CSMD1: variants seen among roughly 807,000 people sequenced by gnomAD.
The protein encoded by CSMD1 is CUB and sushi domain-containing protein 1.
In CSMD1, 213 loss-of-function variants were observed where a neutral mutation model predicts 417.5. The observed-to-expected ratio is 0.51, with a 90% CI of 0.46 to 0.57. CSMD1 has a LOEUF of 0.57. Ranked by LOEUF, CSMD1 falls within the 20% of genes least tolerant of loss-of-function variation. The pLI is 0.00. For missense variants in CSMD1, 6,923 were observed against 4,529.7 expected (o/e 1.53, Z -15.17); for synonymous variants, 2,862 against 1,736.8 (o/e 1.65, Z -16.11).
chr8:3,849,284 G>C (rs558880364), intron 5 of CSMD1, among the ~76,000 whole-genome samples: 1 of 152,132 alleles, frequency 6.6e-6, no homozygotes, highest in Non-Finnish European at 1.5e-5. Context: ...AATGTGCACA[G>C]ACAAAGATAC....
intron 1 of CSMD1, among the ~76,000 whole-genome samples, chr8:4,745,503 C>G (rs1204461807): frequency 1.3e-5 from 2 of 152,116 alleles, no homozygotes; most frequent in East Asian, 1.9e-4. Context: ...CTTAGAGTAA[C>G]TTAACATTTT....
intron 1 of CSMD1, among the ~76,000 whole-genome samples, chr8:4,685,106 T>G (rs981888494): frequency 1.3e-5 from 2 of 152,212 alleles, no homozygotes; most frequent in Admixed American, 6.5e-5. Flanking sequence ...CTTCTATTAT[T>G]ATGAAGATTC....
chr8:3,881,747 C>A lies in CSMD1; in HGVS notation c.818+116156G>T, dbSNP rs538825269. On this transcript the variant is annotated intron_variant, in intron 5 of 69. Coordinates refer to ENST00000635120, the MANE Select transcript of CSMD1 (RefSeq NM_033225.6). ...ACACTACCAGTTATCAAAATTTACT[C>A]CAGAAATTAATTACTTAAGACTCTG... 1.3e-4 allele frequency among the ~76,000 whole-genome samples: 20 copies of A among 151,546 alleles called. No homozygotes were observed. The South Asian group carries it at 4.0e-3, about 30-fold the overall frequency.
intron 48 of CSMD1, among the ~76,000 whole-genome samples, chr8:3,087,727 G>A (rs1000994866): frequency 3.3e-5 from 5 of 152,202 alleles, no homozygotes; most frequent in Admixed American, 6.5e-5. Context: ...GTCATCCTGC[G>A]CTGTATGCAG....
At chr8:4,045,483 G>A (rs1020829143) in intron 3 of CSMD1, among the ~76,000 whole-genome samples, 2 of 152,216 alleles carry the variant, frequency 1.3e-5, no homozygotes, top group Admixed American at 1.3e-4. Context: ...TCAGAACACT[G>A]TCCCCAGTTG....
intron 3 of CSMD1, among the ~76,000 whole-genome samples, chr8:4,276,168 A>T (rs1273498425): frequency 6.6e-6 from 1 of 152,222 alleles, no homozygotes; most frequent in Non-Finnish European, 1.5e-5. Context: ...AGACACATGC[A>T]CACATATGCT....
At chr8:3,487,441 T>G (rs1480146624) in intron 11 of CSMD1, among the ~76,000 whole-genome samples, 1 of 152,160 alleles carries the variant, frequency 6.6e-6, no homozygotes, top group Non-Finnish European at 1.5e-5. Flanking sequence ...GACCTCGTGA[T>G]CTGCCCGCCT....
chr8:4,286,455 G>C (rs1004597950), intron 3 of CSMD1, among the ~76,000 whole-genome samples: 1 of 152,126 alleles, frequency 6.6e-6, no homozygotes, highest in Admixed American at 6.6e-5. Context: ...GTTGCAATAT[G>C]AATTACCCAT....
intron 23 of CSMD1, among the ~76,000 whole-genome samples, chr8:3,339,650 T>G (rs972651109): frequency 6.6e-6 from 1 of 152,232 alleles, no homozygotes; most frequent in Non-Finnish European, 1.5e-5. Context: ...CTTCTGTTAC[T>G]TCAGGTGAAA....
In CSMD1 at chr8:3,838,680, TA is replaced by T. The variant is rs1199132141; in HGVS notation, c.819-84639del. Among the ~76,000 whole-genome samples the T allele has an allele frequency of 1.5e-3, 131 of 88,168 alleles. 8 individuals are homozygous for T. The East Asian group carries it at 0.036, about 24-fold the overall frequency. 57.8% of individuals were successfully genotyped at this position (88,168 alleles called of 152,430 possible). ...TAATATATAATAAATTAATATTATA[TA>T]GTATAATATATAATAAATATTATAT... On this transcript the variant is annotated intron_variant, in intron 5 of 69. Transcript: ENST00000635120.
At chr8:3,588,804 G>A (rs1800713996) in intron 8 of CSMD1, among the ~76,000 whole-genome samples, 1 of 152,108 alleles carries the variant, frequency 6.6e-6, no homozygotes, top group South Asian at 2.1e-4. Context: ...CCTGCAGAAT[G>A]GGAGAAGATG....
intron 23 of CSMD1, 50 bp from the exon 24 acceptor site, chr8:3,308,553 G>A (rs528703997): frequency 6.1e-6 from 9 of 1,468,344 alleles, no homozygotes; most frequent in Admixed American, 3.8e-5. Flanking sequence ...GTGGACATCT[G>A]CCTTAAAACA....
intron 1 of CSMD1, among the ~76,000 whole-genome samples, chr8:4,783,814 C>G (rs1157478547): frequency 1.3e-5 from 2 of 152,174 alleles, no homozygotes; most frequent in East Asian, 1.9e-4. Context: ...AAGGCATCAA[C>G]CAGCCTAAGG....
intron 3 of CSMD1, among the ~76,000 whole-genome samples, chr8:4,083,953 G>A (rs535446954): frequency 6.6e-6 from 1 of 152,118 alleles, no homozygotes; most frequent in African/African-American, 2.4e-5. Flanking sequence ...ATCTGACAAA[G>A]GGCTAATATC....
At chr8:3,142,258 C>A (rs189199842) in intron 41 of CSMD1, among the ~76,000 whole-genome samples, 1 of 152,140 alleles carries the variant, frequency 6.6e-6, no homozygotes, top group Non-Finnish European at 1.5e-5. Flanking sequence ...GCAGAAAAGG[C>A]GAACCCACTG....
intron 3 of CSMD1, among the ~76,000 whole-genome samples, chr8:4,368,757 T>G (rs775924967): frequency 1.3e-5 from 2 of 152,144 alleles, no homozygotes; most frequent in East Asian, 1.9e-4. Context: ...TATACAGAGG[T>G]GCTCATAATA....
Position 3,387,629 on chromosome 8 carries a change from G to A in CSMD1, c.2647C>T (p.His883Tyr), listed in dbSNP as rs1261157453. The A allele has an allele frequency of 2.5e-6, 4 of 1,600,806 alleles. No homozygotes were observed. Among genetic ancestry groups the A allele is most frequent in the South Asian group, 1.1e-5 (1 of 88,362 alleles). ...ATGCCAAAGTCTCCACCGTGGCGATGGCCGTTCACAGGGATGCCCGGGTCC... is the reference window on the plus strand; with the variant it reads ...ATGCCAAAGTCTCCACCGTGGCGATAGCCGTTCACAGGGATGCCCGGGTCC... ...CLDPGIPVNGHRHGGDFGIRS... is the reference protein window; with the variant it reads ...CLDPGIPVNGYRHGGDFGIRS... The change falls in exon 18 of 70, where the codon CAT becomes TAT. Residue 883 changes from histidine (H) to tyrosine (Y), a missense_variant. By Grantham distance (83) the His-to-Tyr change is moderately conservative. Coordinates refer to ENST00000635120, the MANE Select transcript of CSMD1 (RefSeq NM_033225.6).
rs192438811 is a variant in CSMD1, at chr8:4,062,483, T to C, written c.416-30384A>G. The stretch of plus-strand genomic sequence containing the variant: ...ATGTCAGAATCAAATGCACTACAAA[T>C]AAATAAACAATAACCATTCTAAGTG... On this transcript the variant is annotated intron_variant, in intron 3 of 69. Transcript: ENST00000635120. Among the ~76,000 whole-genome samples, 120 of 152,192 alleles carry C rather than the reference T, an allele frequency of 7.9e-4. 2 individuals carry two copies. The highest frequency in any genetic ancestry group is 2.8e-3 in the African/African-American group (118 of 41,558).
In CSMD1 at chr8:4,808,763, T is replaced by G. The variant is rs138821829; in HGVS notation, c.86-171205A>C. Reference sequence around the variant, plus strand: ...GGAGAACATTAAAACATAAACTTATTTAGAACCTTGGTATCATTTTTCATA... The same window carrying G: ...GGAGAACATTAAAACATAAACTTATGTAGAACCTTGGTATCATTTTTCATA... On this transcript the variant is annotated intron_variant, in intron 1 of 69. Coordinates refer to ENST00000635120, the MANE Select transcript of CSMD1 (RefSeq NM_033225.6). 2.0e-4 allele frequency among the ~76,000 whole-genome samples: 31 copies of G among 152,322 alleles called. No individual in the cohort carries two copies. In the East Asian group the frequency reaches 5.8e-3, roughly 28 times the overall value.
Sources: gnomAD v4.1 joint callset for allele counts (sites outside exome capture counted in the v4.1 genomes callset) on GRCh38, gnomAD v4.1.1 for gene constraint, MANE v1.5 for transcripts, NCBI Gene and HGNC (gene_info 2026-07-23, HGNC 2026-07-21) for gene names.